The following INPP5F variants were observed in gnomAD, a reference collection of about 807,000 sequenced individuals.
INPP5F encodes inositol polyphosphate-5-phosphatase F.
In INPP5F, 97 loss-of-function variants were observed where a neutral mutation model predicts 137.2. The observed-to-expected ratio is 0.71, with a 90% CI of 0.60 to 0.84. The LOEUF is 0.84. INPP5F is among the 40% of genes least tolerant of loss of function. INPP5F has a pLI of 0.00. For missense variants in INPP5F, 1,271 were observed against 1,371.9 expected (o/e 0.93, Z 1.16); for synonymous variants, 504 against 476.9 (o/e 1.06, Z -0.74).
rs562844855 is a variant in INPP5F, at chr10:119,727,689, C to G, written c.97+1330C>G. 6.6e-5 allele frequency among the ~76,000 whole-genome samples: 10 copies of G among 152,322 alleles called. No individual in the cohort carries two copies. The South Asian group carries it at 2.1e-3, about 32-fold the overall frequency. On this transcript the variant is annotated intron_variant, in intron 1 of 19. Transcript: ENST00000650623. ...ATTTTCTTGCTATTACGTTGTATTT[C>G]CTCTTTTCAGAATGGAGGATAAACT...
rs71019717 is a variant in INPP5F, at chr10:119,785,286, G to GTTTTTTTTTTTTTT, written c.315+3518_315+3531dup. ...TAACCTTTTGTGGAACTGCCAGACT[G>GTTTTTTTTTTTTTT]TTTTTTTTTTTTTTTTGGAGACGGA... On this transcript the variant is annotated intron_variant, in intron 3 of 19. Transcript: ENST00000650623. 9.4e-3 allele frequency among the ~76,000 whole-genome samples: 996 copies of GTTTTTTTTTTTTTT among 106,150 alleles called. 91 individuals carry two copies. Among genetic ancestry groups the GTTTTTTTTTTTTTT allele is most frequent in the Non-Finnish European group, 0.012 (657 of 53,648 alleles). 69.6% of individuals were successfully genotyped at this position (106,150 alleles called of 152,430 possible). A position where few individuals can be genotyped will look rare whatever the true frequency, so the allele number is the denominator to read the frequency against.
chr10:119,759,828 C>G (rs1308972047), intron 2 of INPP5F, among the ~76,000 whole-genome samples: 2 of 152,148 alleles, frequency 1.3e-5, no homozygotes, highest in Non-Finnish European at 2.9e-5. Context: ...GTTTTTGCTT[C>G]TCTCCTGTTC....
At chr10:119,790,196 G>A (rs1207190781) in intron 3 of INPP5F, among the ~76,000 whole-genome samples, 2 of 151,984 alleles carry the variant, frequency 1.3e-5, no homozygotes, top group African/African-American at 4.8e-5. Flanking sequence ...GAGGAGGATG[G>A]GCCTGTGTGC....
At chr10:119,747,578 A>C (rs1230629596) in intron 1 of INPP5F, among the ~76,000 whole-genome samples, 1 of 152,244 alleles carries the variant, frequency 6.6e-6, no homozygotes, top group African/African-American at 2.4e-5. Flanking sequence ...TCTGGCAGAA[A>C]TCTAACTTGG....
At chr10:119,727,871 A>G (rs1036671797) in intron 1 of INPP5F, among the ~76,000 whole-genome samples, 14 of 152,296 alleles carry the variant, frequency 9.2e-5, no homozygotes, top group Middle Eastern at 6.8e-3. Context: ...GTAAGGCTTC[A>G]GTACAGCTTG....
chr10:119,784,135 G>C (rs1189621124), intron 3 of INPP5F, among the ~76,000 whole-genome samples: 1 of 151,886 alleles, frequency 6.6e-6, no homozygotes, highest in Admixed American at 6.6e-5. Context: ...TTTAAATCTT[G>C]GTATCTATTT....
chr10:119,742,917 G>A (rs746037702), intron 1 of INPP5F, among the ~76,000 whole-genome samples: 30 of 152,122 alleles, frequency 2.0e-4, no homozygotes, highest in Non-Finnish European at 1.6e-4. Context: ...GCTTGAACCC[G>A]GGAGGTGGAG....
chr10:119,821,355 TGTGTGC>T (rs1851553781), intron 16 of INPP5F, among the ~76,000 whole-genome samples: 1 of 151,952 alleles, frequency 6.6e-6, no homozygotes, highest in Non-Finnish European at 1.5e-5. Context: ...TGTGTGTGTG[TGTGTGC>T]ATGTGCCTGC....
chr10:119,761,844 T>C (rs1427968527), intron 2 of INPP5F, among the ~76,000 whole-genome samples: 2 of 152,182 alleles, frequency 1.3e-5, no homozygotes, highest in Non-Finnish European at 2.9e-5. Context: ...AATTGGAGCA[T>C]AATTGGAGCA....
chr10:119,800,529 C>A (rs1850549017), intron 9 of INPP5F, among the ~76,000 whole-genome samples: 1 of 148,884 alleles, frequency 6.7e-6, no homozygotes, highest in Admixed American at 6.7e-5. Context: ...CACTGCACTC[C>A]TGGACGACAG....
intron 19 of INPP5F, among the ~76,000 whole-genome samples, chr10:119,825,236 G>A (rs1851712739): frequency 6.6e-6 from 1 of 152,052 alleles, no homozygotes; most frequent in South Asian, 2.1e-4. Flanking sequence ...TTCATGTTTA[G>A]GATGATTTCT....
At chr10:119,740,185 C>A (rs1848333554) in intron 1 of INPP5F, among the ~76,000 whole-genome samples, 1 of 152,170 alleles carries the variant, frequency 6.6e-6, no homozygotes, top group African/African-American at 2.4e-5. Flanking sequence ...TTACCAGTAT[C>A]CATGTCTTTC....
At chr10:119,777,012 G>A (rs1464148867) in intron 2 of INPP5F, among the ~76,000 whole-genome samples, 1 of 152,066 alleles carries the variant, frequency 6.6e-6, no homozygotes, top group Non-Finnish European at 1.5e-5. Flanking sequence ...CAGCTTCCCA[G>A]AGTGCTGGGA....
At chr10:119,747,993 A>C (rs941621228) in intron 1 of INPP5F, among the ~76,000 whole-genome samples, 5 of 152,160 alleles carry the variant, frequency 3.3e-5, no homozygotes, top group African/African-American at 1.2e-4. Context: ...ATTTTGCCTG[A>C]GTTTTCCTCG....
At chr10:119,733,882 C>A (rs1189040443) in intron 1 of INPP5F, among the ~76,000 whole-genome samples, 1 of 152,168 alleles carries the variant, frequency 6.6e-6, no homozygotes, top group Non-Finnish European at 1.5e-5. Context: ...CTGCTGGATC[C>A]CTAGCACCTG....
At chr10:119,771,227 TG>T (rs1289012333) in intron 2 of INPP5F, among the ~76,000 whole-genome samples, 1 of 152,202 alleles carries the variant, frequency 6.6e-6, no homozygotes. Context: ...CCTTTGTGAT[TG>T]TTTTTTTTCA....
At chr10:119,800,619 G>C (rs1307888953) in intron 9 of INPP5F, among the ~76,000 whole-genome samples, 1 of 151,218 alleles carries the variant, frequency 6.6e-6, no homozygotes, top group Non-Finnish European at 1.5e-5. Context: ...CAACCCAAAA[G>C]AGAGCTGGAC....
At chr10:119,811,459 A>C (rs998219007) in intron 14 of INPP5F, among the ~76,000 whole-genome samples, 3 of 152,132 alleles carry the variant, frequency 2.0e-5, no homozygotes, top group African/African-American at 7.2e-5. Flanking sequence ...TTTATACCAG[A>C]TAGATGAATT....
rs752647775 is a variant in INPP5F, at chr10:119,827,205, T to C, written c.2824T>C (p.Ser942Pro). 1.1e-5 allele frequency: 18 copies of C among 1,614,008 alleles called. No individual in the cohort carries two copies. The East Asian group carries it at 1.3e-4, about 12-fold the overall frequency. ...GGAGTCTCCTTTGAAGAAAAGTCCT[T>C]CTGCTGGCGACGTACACATATTGAC... ...GQESPLKKSP[S>P]AGDVHILTGF... The change falls in exon 20 of 20, where the codon TCT (serine) becomes CCT (proline). Residue 942 changes from serine (S) to proline (P), a missense_variant. Physicochemically the swap from Ser to Pro is moderately conservative, Grantham distance 74 (BLOSUM62 -1). Transcript: ENST00000650623.
Sources: allele counts gnomAD v4.1 joint callset (sites outside exome capture counted in the v4.1 genomes callset), GRCh38; gene constraint gnomAD v4.1.1; transcripts MANE v1.5; gene names NCBI Gene and HGNC (gene_info 2026-07-23, HGNC 2026-07-21).